Variants in CFAP299 observed in about 807,000 individuals in gnomAD.
CFAP299 encodes the protein cilia- and flagella-associated protein 299.
In CFAP299, 21 loss-of-function variants were observed where a neutral mutation model predicts 27.0. The ratio of observed to expected loss-of-function variants is 0.78; its 90% CI spans 0.55 to 1.12. The LOEUF is 1.12. Ranked by LOEUF, CFAP299 falls within the 50% of genes most tolerant of loss-of-function variation. CFAP299 has a pLI of 0.00. For synonymous variants in CFAP299, 104 were observed against 98.1 expected (o/e 1.06, Z -0.36); for missense variants, 310 against 276.6 (o/e 1.12, Z -0.86).
chr4:80,689,850 C>T (rs1241520217), intron 3 of CFAP299, among the ~76,000 whole-genome samples: 1 of 151,976 alleles, frequency 6.6e-6, no homozygotes, highest in Non-Finnish European at 1.5e-5. Context: ...GGAGGAAGGT[C>T]GACCAAGCAA....
intron 3 of CFAP299, among the ~76,000 whole-genome samples, chr4:80,721,573 A>G (rs1163295106): frequency 6.6e-6 from 1 of 152,182 alleles, no homozygotes; most frequent in Non-Finnish European, 1.5e-5. Flanking sequence ...CTATCTCTAA[A>G]TACAATCATA....
chr4:80,465,690 A>T (rs1002149724), intron 2 of CFAP299, among the ~76,000 whole-genome samples: 13 of 152,372 alleles, frequency 8.5e-5, no homozygotes, highest in African/African-American at 3.1e-4. Flanking sequence ...AAACCAAAAG[A>T]GAAATAGAAT....
At chr4:80,835,723 A>C (rs902634656) in intron 3 of CFAP299, among the ~76,000 whole-genome samples, 1 of 152,192 alleles carries the variant, frequency 6.6e-6, no homozygotes, top group Admixed American at 6.5e-5. Flanking sequence ...AATTAAACAC[A>C]TGTGTGGACC....
chr4:80,678,166 T>C (rs1719592781), intron 3 of CFAP299, among the ~76,000 whole-genome samples: 1 of 152,052 alleles, frequency 6.6e-6, no homozygotes, highest in African/African-American at 2.4e-5. Context: ...AGGTTTTAAT[T>C]GTCTCCTCTT....
At chr4:80,698,735 G>A (rs1721273321) in intron 3 of CFAP299, among the ~76,000 whole-genome samples, 1 of 152,194 alleles carries the variant, frequency 6.6e-6, no homozygotes, top group South Asian at 2.1e-4. Context: ...CATGGTGGAA[G>A]GGAAGGCAGG....
intron 3 of CFAP299, among the ~76,000 whole-genome samples, chr4:80,765,818 C>T (rs1725830561): frequency 6.6e-6 from 1 of 151,708 alleles, no homozygotes; most frequent in African/African-American, 2.4e-5. Flanking sequence ...TAACATTAAA[C>T]AAACTAAAAA....
chr4:80,650,183 A>G (rs996391212), intron 3 of CFAP299, among the ~76,000 whole-genome samples: 7 of 152,076 alleles, frequency 4.6e-5, no homozygotes, highest in Non-Finnish European at 1.0e-4. Flanking sequence ...TCAAACATCC[A>G]TATATTGGAA....
chr4:80,791,005 TAATGCCA>T (rs1229670024), intron 3 of CFAP299, among the ~76,000 whole-genome samples: 1 of 152,046 alleles, frequency 6.6e-6, no homozygotes, highest in Non-Finnish European at 1.5e-5. Flanking sequence ...TCCAATTATA[TAATGCCA>T]ATCATACATT....
intron 4 of CFAP299, among the ~76,000 whole-genome samples, chr4:80,882,810 T>C (rs1351740352): frequency 1.3e-5 from 2 of 151,868 alleles, no homozygotes; most frequent in African/African-American, 4.8e-5. Context: ...AAAAATAATA[T>C]ACGAGCAAAG....
At position 80,551,216 on chromosome 4, in the gene CFAP299, A is replaced by T. The variant is rs112570310; in HGVS notation, c.243-31877A>T. Among the ~76,000 whole-genome samples the T allele has an allele frequency of 2.5e-3, 374 of 152,348 alleles. 2 individuals are homozygous for T. The highest frequency in any genetic ancestry group is 8.4e-3 in the African/African-American group (350 of 41,588). ...GCTTTGACAATTACTTGTTAATTTT[A>T]TTAAACAATAAAATATGCCATATTA... is the stretch of plus-strand genomic sequence containing the variant. On this transcript the variant is annotated intron_variant, in intron 2 of 5. Coordinates refer to ENST00000358105, the MANE Select transcript of CFAP299 (RefSeq NM_152770.3).
At chr4:80,861,283 G>A (rs1442762074) in intron 3 of CFAP299, among the ~76,000 whole-genome samples, 1 of 152,150 alleles carries the variant, frequency 6.6e-6, no homozygotes, top group East Asian at 1.9e-4. Context: ...ATTCGGGTGG[G>A]AGTGACCCGA....
At chr4:80,904,521 C>T (rs1202592510) in intron 4 of CFAP299, among the ~76,000 whole-genome samples, 3 of 151,686 alleles carry the variant, frequency 2.0e-5, no homozygotes, top group East Asian at 1.9e-4. Flanking sequence ...TTCTTTTCCT[C>T]TTTATTTTTT....
chr4:80,749,384 ATACT>A (rs1268469341), intron 3 of CFAP299, among the ~76,000 whole-genome samples: 2 of 152,208 alleles, frequency 1.3e-5, no homozygotes, highest in East Asian at 1.9e-4. Context: ...AAAAAAGAAA[ATACT>A]TACATTAGTC....
intron 3 of CFAP299, among the ~76,000 whole-genome samples, chr4:80,776,205 C>T (rs1286084455): frequency 1.3e-5 from 2 of 152,060 alleles, no homozygotes; most frequent in Admixed American, 1.3e-4. Flanking sequence ...GTATATCATG[C>T]TAATTTGGCA....
chr4:80,818,259 C>T (rs1366951154), intron 3 of CFAP299, among the ~76,000 whole-genome samples: 1 of 152,014 alleles, frequency 6.6e-6, no homozygotes, highest in Non-Finnish European at 1.5e-5. Flanking sequence ...AGCTGATGGA[C>T]GTTTAGGTTG....
At chr4:80,817,724 A>G (rs577813177) in intron 3 of CFAP299, among the ~76,000 whole-genome samples, 1 of 135,118 alleles carries the variant, frequency 7.4e-6, no homozygotes, top group Non-Finnish European at 1.5e-5. Flanking sequence ...AGTACAAACA[A>G]CTTTTTTTTT....
At chr4:80,885,110 G>C (rs907942717) in intron 4 of CFAP299, among the ~76,000 whole-genome samples, 2 of 152,082 alleles carry the variant, frequency 1.3e-5, no homozygotes, top group African/African-American at 4.8e-5. Flanking sequence ...ATCACACGCA[G>C]CAGATAATAA....
chr4:80,673,821 G>A (rs1259860857), intron 3 of CFAP299, among the ~76,000 whole-genome samples: 1 of 148,924 alleles, frequency 6.7e-6, no homozygotes, highest in East Asian at 2.0e-4. Flanking sequence ...TTTTATCAGA[G>A]ACTAGGATTG....
chr4:80,628,464 AG>A (rs1350744150), intron 3 of CFAP299, among the ~76,000 whole-genome samples: 2 of 152,144 alleles, frequency 1.3e-5, no homozygotes, highest in African/African-American at 4.8e-5. Flanking sequence ...AGGCAACAAA[AG>A]CAAAAATTGA....
Sources: gnomAD v4.1 joint callset for allele counts (sites outside exome capture counted in the v4.1 genomes callset) on GRCh38, gnomAD v4.1.1 for gene constraint, MANE v1.5 for transcripts, NCBI Gene and HGNC (gene_info 2026-07-23, HGNC 2026-07-21) for gene names.